MICAL3: variants seen among roughly 807,000 people sequenced by gnomAD.
The protein encoded by MICAL3 is microtubule associated monooxygenase, calponin and LIM domain containing 3.
In MICAL3, 62 loss-of-function variants were observed where a neutral mutation model predicts 207.4. That is an observed-to-expected ratio of 0.30 (90% CI 0.24 to 0.37). MICAL3 has a LOEUF of 0.37. MICAL3 is among the 10% of genes least tolerant of loss of function. The pLI, the probability that MICAL3 is intolerant of heterozygous loss-of-function variation, is 1.00. For missense variants in MICAL3, 2,368 were observed against 2,635.6 expected, an observed-to-expected ratio of 0.90 and a Z score of 2.22; for synonymous variants, 1,077 against 1,069.3, an observed-to-expected ratio of 1.01 and a Z score of -0.14.
chr22:18,013,389 T>G (rs1398298465), intron 1 of MICAL3, among the ~76,000 whole-genome samples: 2 of 152,242 alleles, frequency 1.3e-5, no homozygotes, highest in African/African-American at 4.8e-5. Flanking sequence ...TTTTCTGTCA[T>G]TACTCCTGTT....
chr22:17,899,799 T>C (rs1931169700), intron 6 of MICAL3, among the ~76,000 whole-genome samples: 1 of 152,104 alleles, frequency 6.6e-6, no homozygotes, highest in Non-Finnish European at 1.5e-5. Flanking sequence ...GAACTGTTTT[T>C]ACGGGAATAA....
rs904957793 is a variant in MICAL3, at chr22:17,796,341, G to C, written c.5651-5040C>G. Among the ~76,000 whole-genome samples the C allele has an allele frequency of 4.6e-5, 7 of 152,238 alleles. No homozygotes were observed. Among genetic ancestry groups the C allele is most frequent in the African/African-American group, 1.7e-4 (7 of 41,460 alleles). On this transcript the variant is annotated intron_variant, in intron 29 of 31. Coordinates refer to ENST00000441493, the MANE Select transcript of MICAL3 (RefSeq NM_015241.3). This position sits in a 1 kb window ranked among gnomAD's most constrained non-coding sequence, Gnocchi z 4.4. ...TGTCACCAAATTTCAAAAAGCAACA[G>C]TACACCACCAGGGAGTGAGGCCTGT...
At position 17,787,917 on chromosome 22, in the gene MICAL3, T is replaced by TGCCCTCC. The variant is rs2061800177; in HGVS notation, c.*2808_*2814dup. 6.6e-6 allele frequency: 1 copy of TGCCCTCC among 152,272 alleles called. No homozygotes were observed. The highest frequency in any genetic ancestry group is 1.5e-5 in the Non-Finnish European group (1 of 68,062). 9.4% of individuals were successfully genotyped at this position (152,272 alleles called of 1,614,324 possible). On this transcript the variant is annotated 3_prime_UTR_variant, in exon 32 of 32. Transcript: ENST00000441493. ...CCCAGGGGCGGGAGCGCCTCCGGCC[T>TGCCCTCC]GCCCTCCAGGGAAGCTGCATGTGGA...
At chr22:17,799,719 G>T (rs1362830150) in intron 29 of MICAL3, among the ~76,000 whole-genome samples, 1 of 152,164 alleles carries the variant, frequency 6.6e-6, no homozygotes, top group Non-Finnish European at 1.5e-5. Flanking sequence ...GTGCAATACT[G>T]CAGACATGCA....
intron 1 of MICAL3, among the ~76,000 whole-genome samples, chr22:17,950,103 A>C (rs144754080): frequency 6.6e-6 from 1 of 152,148 alleles, no homozygotes; most frequent in African/African-American, 2.4e-5. Context: ...TTTCAGAAGG[A>C]GGGAAAAACT....
chr22:18,023,974 G>C (rs1185636248), intron 1 of MICAL3, among the ~76,000 whole-genome samples: 2 of 152,230 alleles, frequency 1.3e-5, no homozygotes, highest in Non-Finnish European at 2.9e-5. Flanking sequence ...AATGAAAATG[G>C]GGTGGACGTG....
chr22:17,957,786 C>G (rs983422324), intron 1 of MICAL3, among the ~76,000 whole-genome samples: 2 of 148,236 alleles, frequency 1.3e-5, no homozygotes, highest in Non-Finnish European at 3.0e-5. Flanking sequence ...AAGAAAGAAA[C>G]TTTCTTTCTT....
chr22:18,012,976 T>G (rs1466533128), intron 1 of MICAL3, among the ~76,000 whole-genome samples: 5 of 152,138 alleles, frequency 3.3e-5, no homozygotes, highest in Admixed American at 3.3e-4. Context: ...TTTCCCCCAC[T>G]GCATGCAGGT....
chr22:17,809,410 C>T (rs545136599), intron 28 of MICAL3, among the ~76,000 whole-genome samples: 20 of 152,252 alleles, frequency 1.3e-4, no homozygotes, highest in African/African-American at 4.1e-4. Context: ...CTGAGGTGGG[C>T]GGATCACAAG....
In MICAL3 at chr22:17,892,716, C is replaced by T. The variant is rs547871048; in HGVS notation, c.1547-1084G>A. 2.4e-4 allele frequency among the ~76,000 whole-genome samples: 36 copies of T among 152,308 alleles called. 2 individuals carry two copies. Among genetic ancestry groups the T allele is most frequent in the Admixed American group, 4.6e-4 (7 of 15,294 alleles). ...ACACTCTCTGCTTTCAAAGAGAAGA[C>T]GCTCCAGTGGAGAAAAATGCAAATG... is the stretch of plus-strand genomic sequence containing the variant. On this transcript the variant is annotated intron_variant, in intron 11 of 31. Coordinates refer to ENST00000441493, the MANE Select transcript of MICAL3 (RefSeq NM_015241.3).
intron 1 of MICAL3, among the ~76,000 whole-genome samples, chr22:17,922,131 C>T (rs1932814737): frequency 6.7e-6 from 1 of 149,106 alleles, no homozygotes; most frequent in Non-Finnish European, 1.5e-5. Flanking sequence ...CACCTTTTCC[C>T]CTGTGTTCCC....
chr22:17,920,873 C>A (rs79697269), intron 1 of MICAL3, among the ~76,000 whole-genome samples: 4 of 152,124 alleles, frequency 2.6e-5, no homozygotes, highest in Admixed American at 2.6e-4. Context: ...GTGGAAGCCC[C>A]GAGATTCCCA....
At chr22:17,822,825 T>C (rs1921793589) in intron 23 of MICAL3, 122 bp downstream of exon 23, 6 of 610,020 alleles carry the variant, frequency 9.8e-6, no homozygotes, top group Middle Eastern at 7.2e-4. Flanking sequence ...CCAGCCATGG[T>C]GGAGCCAAGA....
intron 16 of MICAL3, among the ~76,000 whole-genome samples, chr22:17,880,267 G>C (rs997927425): frequency 2.6e-5 from 4 of 152,168 alleles, no homozygotes; most frequent in African/African-American, 9.7e-5. Context: ...CTATACTTCA[G>C]TCTCCTCCCT....
chr22:17,966,339 C>T (rs1043381632), intron 1 of MICAL3, among the ~76,000 whole-genome samples: 2 of 152,186 alleles, frequency 1.3e-5, no homozygotes, highest in African/African-American at 4.8e-5. Flanking sequence ...CTCCTCCTCC[C>T]CTCTCCAGCC....
chr22:17,834,211 A>C (rs1923112989), intron 20 of MICAL3: 2 of 1,069,540 alleles, frequency 1.9e-6, no homozygotes, highest in Non-Finnish European at 2.3e-6. Context: ...GTGCTCTCTG[A>C]GTTTGCTCAA....
chr22:17,889,483 C>T (rs1456230487), intron 12 of MICAL3, among the ~76,000 whole-genome samples: 6 of 152,150 alleles, frequency 3.9e-5, no homozygotes, highest in Admixed American at 2.6e-4. Flanking sequence ...AGTCAAAAAA[C>T]GACTCTCATT....
In MICAL3 at chr22:17,921,337, C is replaced by G. The variant is rs139186416; in HGVS notation, c.-74-14451G>C. Among the ~76,000 whole-genome samples, 11 of 152,330 alleles carry G rather than the reference C, an allele frequency of 7.2e-5. No homozygotes were observed. The East Asian group carries it at 1.9e-3, about 27-fold the overall frequency. ...TTTCTCCCTTAAATACTGAAGCTCT[C>G]AAAATCATCTTCGGAGAAAGGCATA... is the stretch of plus-strand genomic sequence containing the variant. On this transcript the variant is annotated intron_variant, in intron 1 of 31. Transcript: ENST00000441493.
chr22:18,013,872 C>T (rs1923895610), intron 1 of MICAL3, among the ~76,000 whole-genome samples: 1 of 151,990 alleles, frequency 6.6e-6, no homozygotes, highest in African/African-American at 2.4e-5. Context: ...ACAATAACAG[C>T]TCACTGTACC....
Sources: gnomAD v4.1 joint callset for allele counts (sites outside exome capture counted in the v4.1 genomes callset) on GRCh38, gnomAD v4.1.1 for gene constraint, Gnocchi (gnomAD v3.1) non-coding constraint, MANE v1.5 for transcripts, NCBI Gene and HGNC (gene_info 2026-07-23, HGNC 2026-07-21) for gene names.